The following PARM1 variants were observed in gnomAD, a reference collection of about 807,000 sequenced individuals.
PARM1 encodes WSC4, cell wall integrity and stress response component 4 homolog.
PARM1 carries 14 observed loss-of-function variants against 24.6 expected under a neutral mutation model. The ratio of observed to expected loss-of-function variants is 0.57; its 90% CI spans 0.38 to 0.89. The LOEUF (loss-of-function observed/expected upper bound fraction) is 0.89. Among genes scored for constraint, PARM1 ranks in the 40% least tolerant of loss-of-function variants. The pLI is 0.00. For synonymous variants in PARM1, 179 were observed against 156.6 expected (o/e 1.14, Z -1.07); for missense variants, 362 against 380.4 (o/e 0.95, Z 0.40).
At chr4:74,964,252 C>T (rs571586355) in intron 1 of PARM1, among the ~76,000 whole-genome samples, 21 of 152,260 alleles carry the variant, frequency 1.4e-4, no homozygotes, top group African/African-American at 4.1e-4. Flanking sequence ...CCCTCCTGAG[C>T]GCTTACCAGT....
intron 2 of PARM1, among the ~76,000 whole-genome samples, chr4:75,028,052 A>G (rs1311823352): frequency 6.6e-6 from 1 of 152,190 alleles, no homozygotes; most frequent in Non-Finnish European, 1.5e-5. Flanking sequence ...AGTTTCCCCA[A>G]CTGTAAAATG....
At chr4:75,018,440 G>T (rs1723028839) in intron 2 of PARM1, among the ~76,000 whole-genome samples, 1 of 152,174 alleles carries the variant, frequency 6.6e-6, no homozygotes. Context: ...GTTGCAGGGA[G>T]TTCAGATTTG....
At chr4:74,945,756 C>A (rs114073324) in intron 1 of PARM1, among the ~76,000 whole-genome samples, 1,806 of 152,108 alleles carry the variant, frequency 0.012, 29 homozygotes, top group African/African-American at 0.041. Flanking sequence ...ACACAGATAT[C>A]AAAAAAGAAA....
chr4:74,972,659 A>C (rs1374824408), intron 1 of PARM1, among the ~76,000 whole-genome samples: 1 of 151,992 alleles, frequency 6.6e-6, no homozygotes, highest in African/African-American at 2.4e-5. Flanking sequence ...TGCTTATGAA[A>C]ATTCTTCCGG....
rs75031968 is a variant in PARM1 at position 74,971,251 on chromosome 4, G to C, written c.43+37881G>C. ...ATGTCCTACATGATGGTAAGCAAGAGAGTGTGTACAGGGGAGCTGCCCTTT... is the reference window on the plus strand; with the variant it reads ...ATGTCCTACATGATGGTAAGCAAGACAGTGTGTACAGGGGAGCTGCCCTTT... On this transcript the variant is annotated intron_variant, in intron 1 of 3. Transcript: ENST00000307428. 4.2e-3 allele frequency among the ~76,000 whole-genome samples: 642 copies of C among 152,306 alleles called. 6 individuals are homozygous for C. Among genetic ancestry groups the C allele is most frequent in the African/African-American group, 0.015 (615 of 41,578 alleles).
chr4:74,975,748 G>A (rs2109768430), intron 1 of PARM1, among the ~76,000 whole-genome samples: 1 of 152,302 alleles, frequency 6.6e-6, no homozygotes, highest in Non-Finnish European at 1.5e-5. Context: ...CATTATTATA[G>A]TTGCAATATA....
rs569928082 is a variant in PARM1, at chr4:75,011,472, G to C, written c.44-953G>C. ...AAATGACTGGGGGAAATACTAGTCAGGGAATGACAAGGGGGTATGGGGAGG... is the reference window on the plus strand; with the variant it reads ...AAATGACTGGGGGAAATACTAGTCACGGAATGACAAGGGGGTATGGGGAGG... On this transcript the variant is annotated intron_variant, in intron 1 of 3. Coordinates refer to ENST00000307428, the MANE Select transcript of PARM1 (RefSeq NM_015393.4). Among the ~76,000 whole-genome samples the C allele has an allele frequency of 1.1e-4, 17 of 152,148 alleles. 1 individual carries two copies. The South Asian group carries it at 2.5e-3, about 22-fold the overall frequency.
intron 1 of PARM1, among the ~76,000 whole-genome samples, chr4:74,953,890 G>A (rs865873996): frequency 2.6e-5 from 4 of 152,150 alleles, no homozygotes; most frequent in Admixed American, 6.5e-5. Context: ...AGTGGGTCAC[G>A]CCTGGTGAAG....
At chr4:75,014,361 T>C (rs1722936887) in intron 2 of PARM1, among the ~76,000 whole-genome samples, 1 of 152,120 alleles carries the variant, frequency 6.6e-6, no homozygotes, top group Admixed American at 6.5e-5. Context: ...AAGAAAAAGA[T>C]AGACACTGAG....
chr4:75,010,874 G>A lies in PARM1; in HGVS notation c.44-1551G>A, dbSNP rs141519625. On this transcript the variant is annotated intron_variant, in intron 1 of 3. Coordinates refer to ENST00000307428, the MANE Select transcript of PARM1 (RefSeq NM_015393.4). ...TTGCTATAAAGGAATACCTGAGGCC[G>A]GGTAATTTATAAAGAAAAGAGGTTT... Among the ~76,000 whole-genome samples the A allele has an allele frequency of 3.0e-3, 464 of 152,264 alleles. 3 individuals carry two copies. The highest frequency in any genetic ancestry group is 0.011 in the African/African-American group (453 of 41,548).
intron 1 of PARM1, among the ~76,000 whole-genome samples, chr4:74,949,673 T>G (rs543618052): frequency 2.0e-4 from 30 of 152,126 alleles, no homozygotes; most frequent in Non-Finnish European, 3.4e-4. Context: ...AATGTGTTGT[T>G]AGAACATCAC....
At chr4:75,033,265 T>G (rs1348993052) in intron 2 of PARM1, among the ~76,000 whole-genome samples, 1 of 152,212 alleles carries the variant, frequency 6.6e-6, no homozygotes, top group African/African-American at 2.4e-5. Flanking sequence ...AGTTTACTAT[T>G]CAAGAATGAA....
chr4:74,968,246 C>T (rs1721946014), intron 1 of PARM1, among the ~76,000 whole-genome samples: 1 of 152,278 alleles, frequency 6.6e-6, no homozygotes, highest in South Asian at 2.1e-4. Context: ...AGACATTGAA[C>T]TTTACTTTCC....
At chr4:74,971,789 C>G (rs1722042970) in intron 1 of PARM1, among the ~76,000 whole-genome samples, 1 of 152,118 alleles carries the variant, frequency 6.6e-6, no homozygotes, top group Non-Finnish European at 1.5e-5. Flanking sequence ...CTTTTAATAC[C>G]TTACCTCTGA....
chr4:75,045,191 T>C (rs982886270), intron 3 of PARM1, among the ~76,000 whole-genome samples: 1 of 152,172 alleles, frequency 6.6e-6, no homozygotes, highest in African/African-American at 2.4e-5. Flanking sequence ...GCAAAGGCCC[T>C]GAGGCAAAGG....
intron 1 of PARM1, among the ~76,000 whole-genome samples, chr4:74,989,059 G>C (rs1722412548): frequency 6.6e-6 from 1 of 152,096 alleles, no homozygotes; most frequent in Admixed American, 6.6e-5. Flanking sequence ...AAAAACCAAA[G>C]TATTTTTTTC....
chr4:75,046,291 A>G lies in PARM1; in HGVS notation c.*44A>G. On this transcript the variant is annotated 3_prime_UTR_variant, in exon 4 of 4. Transcript: ENST00000307428. ...GATGAGGATTAACTGTTCTTTATTT[A>G]TAAGTGCTTATCCAGTAGAATTAAT... 8.1e-7 allele frequency: 1 copy of G among 1,235,892 alleles called. No homozygotes were observed. The highest frequency in any genetic ancestry group is 1.2e-6 in the Non-Finnish European group (1 of 838,420). The allele number at this position is 1,235,892 out of a possible 1,614,324, so 76.6% of individuals were successfully genotyped here.
intron 1 of PARM1, 31 bp downstream of exon 1, chr4:74,933,401 G>A: frequency 6.2e-7 from 1 of 1,604,342 alleles, no homozygotes. Context: ...GGAAGGGCAG[G>A]TCGCGGGGTG....
In PARM1 at chr4:75,048,393, A is replaced by G. The variant is rs10018358; in HGVS notation, c.*2146A>G. ...CAGAAAAAAAGGGCAGCAAATGACC[A>G]AGGGCGCCCCTTCTGGCCGTGCTTG... On this transcript the variant is annotated 3_prime_UTR_variant, in exon 4 of 4. Transcript: ENST00000307428. The G allele has an allele frequency of 0.14, 20,760 of 152,200 alleles. 2,045 individuals are homozygous for G. The highest frequency in any genetic ancestry group is 0.27 in the African/African-American group (11,392 of 41,486). The allele number at this position is 152,200 out of a possible 1,614,324, so 9.4% of individuals were successfully genotyped here.
Sources: allele counts gnomAD v4.1 joint callset (sites outside exome capture counted in the v4.1 genomes callset), GRCh38; gene constraint gnomAD v4.1.1; transcripts MANE v1.5; gene names NCBI Gene and HGNC (gene_info 2026-07-23, HGNC 2026-07-21).